Variants in ARHGEF33 observed in about 807,000 individuals in gnomAD.
ARHGEF33 encodes the protein DH and coiled-coil domain-containing protein ENSP00000381780.
In ARHGEF33, 72 loss-of-function variants were observed where a neutral mutation model predicts 101.9. The observed-to-expected ratio is 0.71, with a 90% CI of 0.58 to 0.86. The LOEUF is 0.86. ARHGEF33 is among the 40% of genes least tolerant of loss of function. The pLI, the probability that ARHGEF33 is intolerant of heterozygous loss-of-function variation, is 0.00. For missense variants in ARHGEF33, 1,169 were observed against 1,111.3 expected (o/e 1.05, Z -0.74); for synonymous variants, 499 against 442.5 (o/e 1.13, Z -1.60).
chr2:38,891,536 A>G (rs1665998666), intron 1 of ARHGEF33, among the ~76,000 whole-genome samples: 1 of 152,222 alleles, frequency 6.6e-6, no homozygotes, highest in Admixed American at 6.5e-5. Context: ...TTTGCATACA[A>G]TTTCAGAAGA....
intron 17 of ARHGEF33, among the ~76,000 whole-genome samples, chr2:38,972,386 C>A (rs1372789111): frequency 6.6e-6 from 1 of 152,098 alleles, no homozygotes; most frequent in African/African-American, 2.4e-5. Context: ...TCATCCCACC[C>A]AGATATCTTG....
rs1372261849 is a variant in ARHGEF33, at chr2:38,960,565, G to C, written c.2260G>C (p.Val754Leu). ...GGCGCACGGCCCGGCCGCCGCCGCCGTCGCCGCCCGCGGCGCATCCAGGAC... is the reference window on the plus strand; with the variant it reads ...GGCGCACGGCCCGGCCGCCGCCGCCCTCGCCGCCCGCGGCGCATCCAGGAC... Reference protein sequence around the residue: ...AQAHGPAAAAVAARGASRTFF... With the variant: ...AQAHGPAAAALAARGASRTFF... Residue 754 changes from valine (V) to leucine (L), a missense_variant, in exon 16 of 18, where the codon GTC (valine) becomes CTC (leucine). Coordinates refer to ENST00000409978, the MANE Select transcript of ARHGEF33 (RefSeq NM_001145451.5). 1.0e-5 allele frequency: 13 copies of C among 1,276,488 alleles called. No individual in the cohort carries two copies. Among genetic ancestry groups the C allele is most frequent in the Non-Finnish European group, 1.3e-5 (13 of 993,958 alleles). The allele number at this position is 1,276,488 out of a possible 1,614,324, so 79.1% of individuals were successfully genotyped here.
At chr2:38,971,185 T>C (rs2124434141) in intron 17 of ARHGEF33, among the ~76,000 whole-genome samples, 1 of 152,224 alleles carries the variant, frequency 6.6e-6, no homozygotes, top group East Asian at 1.9e-4. Flanking sequence ...ACTACCCCCA[T>C]CCCCAGCTCC....
chr2:38,906,200 A>G (rs913196754), intron 2 of ARHGEF33, among the ~76,000 whole-genome samples: 1 of 151,846 alleles, frequency 6.6e-6, no homozygotes, highest in African/African-American at 2.4e-5. Context: ...AAAAAAAAAA[A>G]AAAAAAGAAA....
chr2:38,907,215 G>A (rs565566458), intron 2 of ARHGEF33, among the ~76,000 whole-genome samples: 26 of 152,196 alleles, frequency 1.7e-4, no homozygotes, highest in Admixed American at 7.2e-4. Context: ...AAGTATGCAC[G>A]GGCTGTGGAC....
chr2:38,960,716 C>T (rs768095938), intron 16 of ARHGEF33, 68 bp downstream of exon 16: 3 of 1,204,706 alleles, frequency 2.5e-6, no homozygotes, highest in African/African-American at 1.7e-5. Flanking sequence ...GGAAGCATCC[C>T]GAGTTCTCCT....
intron 11 of ARHGEF33, among the ~76,000 whole-genome samples, chr2:38,952,113 G>T (rs1667625866): frequency 6.6e-6 from 1 of 152,200 alleles, no homozygotes; most frequent in African/African-American, 2.4e-5. Context: ...CCAGAATTTT[G>T]TGGGAAATTT....
At chr2:38,939,562 T>C (rs977986863) in intron 9 of ARHGEF33, among the ~76,000 whole-genome samples, 1 of 152,228 alleles carries the variant, frequency 6.6e-6, no homozygotes, top group Non-Finnish European at 1.5e-5. Context: ...AGTTTTAATT[T>C]GCAGTTCCCT....
chr2:38,941,370 C>G (rs971919803), intron 9 of ARHGEF33, among the ~76,000 whole-genome samples: 1 of 152,110 alleles, frequency 6.6e-6, no homozygotes, highest in Non-Finnish European at 1.5e-5. Flanking sequence ...ATTTCTCTTG[C>G]GGTCATAATT....
Position 38,973,769 on chromosome 2 carries a change from T to C in ARHGEF33, c.2539T>C (p.Ser847Pro). Residue 847 changes from serine to proline, a missense_variant, in exon 18 of 18, where the codon TCA becomes CCA. Physicochemically the swap from Ser to Pro is moderately conservative, Grantham distance 74. Coordinates refer to ENST00000409978, the MANE Select transcript of ARHGEF33 (RefSeq NM_001145451.5). Reference sequence around the variant, plus strand: ...TAATGAGAATCCCTCAATGGATCCTTCACCCACCAAACAAGATTTCTTCAG... The same window carrying C: ...TAATGAGAATCCCTCAATGGATCCTCCACCCACCAAACAAGATTTCTTCAG... ...KTNENPSMDP[S>P]PTKQDFFRNR... 1 of 1,549,158 alleles carries C rather than the reference T, an allele frequency of 6.5e-7. No homozygotes were observed. The highest frequency in any genetic ancestry group is 8.7e-7 in the Non-Finnish European group (1 of 1,146,194).
rs544933724 is a variant in ARHGEF33, at chr2:38,955,896, C to G, written c.1222-1003C>G. ...TTCACCGTGTTAGCCAGGATGGTCT[C>G]GATCTCCTGGTGATCTGCCCGCCTC... On this transcript the variant is annotated intron_variant, in intron 13 of 17. Coordinates refer to ENST00000409978, the MANE Select transcript of ARHGEF33 (RefSeq NM_001145451.5). 2.6e-4 allele frequency among the ~76,000 whole-genome samples: 40 copies of G among 152,100 alleles called. 1 individual carries two copies. The highest frequency in any genetic ancestry group is 3.3e-4 in the Admixed American group (5 of 15,286).
intron 2 of ARHGEF33, among the ~76,000 whole-genome samples, chr2:38,910,505 G>C (rs1666485975): frequency 6.6e-6 from 1 of 152,146 alleles, no homozygotes; most frequent in Non-Finnish European, 1.5e-5. Context: ...GGGAGGCAGA[G>C]GTTGCAGTGA....
rs2124436353 is a variant in ARHGEF33, at chr2:38,973,821, T to C, written c.2591T>C (p.Leu864Pro). ...FRNRLALAND[L>P]DQGTAV ...AACCGACTTGCTCTTGCAAATGACC[T>C]TGACCAAGGAACAGCTGTGTAAAAC... Residue 864 changes from leucine to proline, a missense_variant, in exon 18 of 18, where the codon CTT (leucine) becomes CCT (proline). Coordinates refer to ENST00000409978, the MANE Select transcript of ARHGEF33 (RefSeq NM_001145451.5). The C allele has an allele frequency of 6.5e-7, 1 of 1,548,578 alleles. No individual in the cohort carries two copies.
Position 38,972,430 on chromosome 2 carries a change from G to GAT in ARHGEF33, c.2484-1282_2484-1281dup, listed in dbSNP as rs142840998. Among the ~76,000 whole-genome samples the GAT allele has an allele frequency of 1.3e-4, 20 of 152,270 alleles. No homozygotes were observed. In the East Asian group the frequency reaches 3.5e-3, roughly 27 times the overall value. ...GTATCCAGATGTACTGGAGTTGAGA[G>GAT]ATAGAGTAGTTTTTCCTCTCTGCAC... On this transcript the variant is annotated intron_variant, in intron 17 of 17. Coordinates refer to ENST00000409978, the MANE Select transcript of ARHGEF33 (RefSeq NM_001145451.5).
chr2:38,944,127 A>T (rs1667380997), intron 10 of ARHGEF33, 97 bp downstream of exon 10: 2 of 1,267,140 alleles, frequency 1.6e-6, no homozygotes, highest in East Asian at 5.2e-5. Context: ...GCCTATGAAG[A>T]GTTCCAGAAA....
intron 11 of ARHGEF33, among the ~76,000 whole-genome samples, chr2:38,951,657 G>C (rs868624176): frequency 7.3e-5 from 11 of 150,942 alleles, no homozygotes; most frequent in African/African-American, 2.4e-4. Flanking sequence ...ATGCATCTGT[G>C]TATATATATA....
chr2:38,919,917 T>C (rs915550877), intron 3 of ARHGEF33, among the ~76,000 whole-genome samples: 3 of 152,202 alleles, frequency 2.0e-5, no homozygotes, highest in Non-Finnish European at 4.4e-5. Context: ...CAAAGTTAGG[T>C]CTGGGATCTG....
At chr2:38,935,669 C>T in intron 7 of ARHGEF33, 106 bp from the exon 8 acceptor site, 1 of 818,812 alleles carries the variant, frequency 1.2e-6, no homozygotes, top group Non-Finnish European at 2.0e-6. Flanking sequence ...CTGCCTCCCC[C>T]ATGAAACTAC....
rs758832860 is a variant in ARHGEF33 at position 38,960,551 on chromosome 2, C to A, written c.2246C>A (p.Pro749Gln). 2.4e-6 allele frequency: 3 copies of A among 1,269,742 alleles called. No homozygotes were observed. Among genetic ancestry groups the A allele is most frequent in the East Asian group, 4.1e-5 (1 of 24,578 alleles). The allele number at this position is 1,269,742 out of a possible 1,614,324, so 78.7% of individuals were successfully genotyped here. A position where few individuals can be genotyped will look rare whatever the true frequency, so the allele number is the denominator to read the frequency against. ...KAERAAQAHG[P>Q]AAAAVAARGA... ...GAGCGCGCCGCGCAGGCGCACGGCC[C>A]GGCCGCCGCCGCCGTCGCCGCCCGC... Residue 749 changes from proline to glutamine, a missense_variant, in exon 16 of 18, where the codon CCG becomes CAG. Pro to Gln is a moderately conservative substitution (Grantham distance 76, BLOSUM62 -1). Coordinates refer to ENST00000409978, the MANE Select transcript of ARHGEF33 (RefSeq NM_001145451.5).
Sources: gnomAD v4.1 joint callset for allele counts (sites outside exome capture counted in the v4.1 genomes callset) on GRCh38, gnomAD v4.1.1 for gene constraint, MANE v1.5 for transcripts, NCBI Gene and HGNC (gene_info 2026-07-23, HGNC 2026-07-21) for gene names.